The following USH2A variants were observed in gnomAD, a reference collection of about 807,000 sequenced individuals.
USH2A encodes Usher syndrome 2A (autosomal recessive, mild).
In USH2A, 443 loss-of-function variants were observed where a neutral mutation model predicts 538.9. The ratio of observed to expected loss-of-function variants is 0.82; its 90% confidence interval spans 0.76 to 0.89. The LOEUF (loss-of-function observed/expected upper bound fraction) is 0.89. Ranked by LOEUF, USH2A falls within the 40% of genes least tolerant of loss-of-function variation. USH2A has a pLI of 0.00. For synonymous variants in USH2A, 2,413 were observed against 2,273.5 expected, an observed-to-expected ratio of 1.06 and a Z score of -1.75; for missense variants, 6,633 against 6,324.8, an observed-to-expected ratio of 1.05 and a Z score of -1.65.
intron 32 of USH2A, among the ~76,000 whole-genome samples, chr1:216,006,463 T>G (rs1668395444): frequency 6.6e-6 from 1 of 152,172 alleles, no homozygotes; most frequent in African/African-American, 2.4e-5. Flanking sequence ...CCAGTCCTCT[T>G]CTATATGGCT....
intron 20 of USH2A, among the ~76,000 whole-genome samples, chr1:216,184,356 A>G (rs1349735070): frequency 6.6e-6 from 1 of 151,962 alleles, no homozygotes; most frequent in African/African-American, 2.4e-5. Context: ...CCTCAGATTC[A>G]TGAGTCCATA....
intron 4 of USH2A, among the ~76,000 whole-genome samples, chr1:216,338,480 A>G (rs2038016932): frequency 6.6e-6 from 1 of 151,550 alleles, no homozygotes; most frequent in South Asian, 2.1e-4. Flanking sequence ...AATAGAAGGC[A>G]ATATATATCA....
In USH2A at chr1:216,330,577, G is replaced by T. The variant is rs113133359; in HGVS notation, c.785-2923C>A. ...CCTGGAGCAGAATAAAAGGGGGGAG[G>T]TTATTAGAAGGTTAGGTCAGACAAG... On this transcript the variant is annotated intron_variant, in intron 4 of 71. Transcript: ENST00000307340. 2.9e-3 allele frequency among the ~76,000 whole-genome samples: 448 copies of T among 151,950 alleles called. 1 individual carries two copies. The highest frequency in any genetic ancestry group is 3.7e-3 in the Non-Finnish European group (253 of 67,942).
rs988522904 is a variant in USH2A, at chr1:215,993,278, C to T, written c.6658-111G>A. The stretch of plus-strand genomic sequence containing the variant: ...TTTCAGATTTTGTTATATAGTGCTA[C>T]CTTTACTTCCCCAAAATAAATTCAT... On this transcript the variant is annotated intron_variant, in intron 34 of 71. Transcript: ENST00000307340. 1.7e-5 allele frequency: 25 copies of T among 1,465,680 alleles called. 1 individual carries two copies. In the South Asian group the frequency reaches 2.9e-4, roughly 17 times the overall value. The allele number at this position is 1,465,680 out of a possible 1,614,324, so 90.8% of individuals were successfully genotyped here. A position where few individuals can be genotyped will look rare whatever the true frequency, so the allele number is the denominator to read the frequency against.
chr1:216,075,539 A>G (rs1312102128), intron 27 of USH2A, among the ~76,000 whole-genome samples: 2 of 152,214 alleles, frequency 1.3e-5, no homozygotes, highest in Non-Finnish European at 2.9e-5. Context: ...GACTAATCAG[A>G]AAAACATTAG....
chr1:215,735,793 A>G (rs146805110), intron 60 of USH2A, among the ~76,000 whole-genome samples: 1,714 of 152,276 alleles, frequency 0.011, 31 homozygotes, highest in African/African-American at 0.036. Context: ...TATAACCATG[A>G]ACCTCTTTCA....
intron 13 of USH2A, among the ~76,000 whole-genome samples, chr1:216,238,436 T>A (rs544238911): frequency 6.6e-6 from 1 of 152,248 alleles, no homozygotes; most frequent in African/African-American, 2.4e-5. Flanking sequence ...TGGGAAAACA[T>A]ATTTAGTGTT....
chr1:216,183,641 G>A (rs1330829442), intron 20 of USH2A, among the ~76,000 whole-genome samples: 1 of 151,904 alleles, frequency 6.6e-6, no homozygotes, highest in Non-Finnish European at 1.5e-5. Flanking sequence ...CATGATTTGT[G>A]TCTCTGTTAT....
chr1:216,189,689 A>T (rs967568521), intron 20 of USH2A, among the ~76,000 whole-genome samples: 2 of 152,018 alleles, frequency 1.3e-5, no homozygotes, highest in Non-Finnish European at 2.9e-5. Context: ...TACCTATTTC[A>T]TGAAAGCCAA....
At chr1:215,648,265 T>C (rs187096058) in intron 66 of USH2A, among the ~76,000 whole-genome samples, 1 of 152,264 alleles carries the variant, frequency 6.6e-6, no homozygotes, top group East Asian at 1.9e-4. Flanking sequence ...TTGCATTGTC[T>C]TTTTAATGTA....
chr1:216,291,767 G>A (rs1455312398), intron 10 of USH2A, among the ~76,000 whole-genome samples: 1 of 152,182 alleles, frequency 6.6e-6, no homozygotes, highest in Non-Finnish European at 1.5e-5. Context: ...TGCCAAATCT[G>A]AATGAATGCC....
At chr1:216,413,518 A>C (rs764152882) in intron 3 of USH2A, among the ~76,000 whole-genome samples, 1 of 152,094 alleles carries the variant, frequency 6.6e-6, no homozygotes, top group Non-Finnish European at 1.5e-5. Flanking sequence ...AGAACTATCA[A>C]TAGTTTTTCT....
intron 16 of USH2A, among the ~76,000 whole-genome samples, chr1:216,201,005 C>CTCCA (rs2034982242): frequency 8.7e-6 from 1 of 115,534 alleles, no homozygotes; most frequent in Non-Finnish European, 1.8e-5. Flanking sequence ...CCCTCCCTCC[C>CTCCA]TCCCTCCCTT....
At chr1:215,867,829 G>C (rs1262881859) in intron 43 of USH2A, among the ~76,000 whole-genome samples, 1 of 152,214 alleles carries the variant, frequency 6.6e-6, no homozygotes, top group Non-Finnish European at 1.5e-5. Context: ...AAACTGACAT[G>C]CTGATGTGAT....
intron 61 of USH2A, among the ~76,000 whole-genome samples, chr1:215,684,542 G>T (rs923407148): frequency 6.6e-6 from 1 of 152,118 alleles, no homozygotes; most frequent in South Asian, 2.1e-4. Context: ...GGTCTTTGGG[G>T]TGTATTTTCA....
chr1:215,736,229 C>A (rs1015789243), intron 60 of USH2A, among the ~76,000 whole-genome samples: 1 of 152,172 alleles, frequency 6.6e-6, no homozygotes, highest in East Asian at 1.9e-4. Flanking sequence ...TCTAAATGTC[C>A]CCTACTAATA....
chr1:215,647,756 T>G, intron 66 of USH2A, 26 bp from the exon 67 acceptor site: 1 of 1,611,052 alleles, frequency 6.2e-7, no homozygotes, highest in Non-Finnish European at 8.5e-7. Flanking sequence ...ATACGTAGAG[T>G]CAAGACGGGT....
intron 3 of USH2A, among the ~76,000 whole-genome samples, chr1:216,402,168 A>G (rs187440006): frequency 1.3e-5 from 2 of 152,290 alleles, no homozygotes; most frequent in Admixed American, 1.3e-4. Flanking sequence ...CTGTTAAAAA[A>G]TCCTGAACAA....
chr1:215,983,734 T>C (rs1212846366), intron 35 of USH2A, among the ~76,000 whole-genome samples: 3 of 152,280 alleles, frequency 2.0e-5, no homozygotes, highest in Admixed American at 6.5e-5. Context: ...TCAAATGGCA[T>C]GGAAAAGATT....
Sources: gnomAD v4.1 joint callset for allele counts (sites outside exome capture counted in the v4.1 genomes callset) on GRCh38, gnomAD v4.1.1 for gene constraint, MANE v1.5 for transcripts, NCBI Gene and HGNC (gene_info 2026-07-23, HGNC 2026-07-21) for gene names.